The following ACACB variants were observed in gnomAD, a reference collection of about 807,000 sequenced individuals.
The protein encoded by ACACB is acetyl-CoA carboxylase beta.
A neutral mutation model predicts 278.8 loss-of-function variants in ACACB; 209 were observed. That is an observed-to-expected ratio of 0.75 (90% CI 0.67 to 0.84). The LOEUF is 0.84. Among genes scored for constraint, ACACB ranks in the 40% least tolerant of loss-of-function variants. The pLI is 0.00. For synonymous variants in ACACB, 1,174 were observed against 1,285.6 expected (o/e 0.91, Z 1.86); for missense variants, 2,850 against 3,269.0 (o/e 0.87, Z 3.13).
chr12:109,197,046 G>C lies in ACACB; in HGVS notation c.2520G>C (p.Met840Ile), dbSNP rs2045158931. ...RQSLTMFVLIMNGCHIEIDAH... is the reference protein window; with the variant it reads ...RQSLTMFVLIINGCHIEIDAH... Reference sequence around the variant, plus strand: ...CTCTGACCATGTTCGTTCTCATCATGAATGGCTGCCACATCGAGATTGATG... The same window carrying C: ...CTCTGACCATGTTCGTTCTCATCATCAATGGCTGCCACATCGAGATTGATG... The change falls in exon 17 of 53, where the codon ATG becomes ATC. Residue 840 changes from methionine (M) to isoleucine (I), a missense_variant. Coordinates refer to ENST00000338432, the MANE Select transcript of ACACB (RefSeq NM_001093.4). The C allele has an allele frequency of 1.3e-6, 2 of 1,590,480 alleles. No homozygotes were observed. The highest frequency in any genetic ancestry group is 2.3e-5 in the East Asian group (1 of 42,872).
rs367596496 is a variant in ACACB at position 109,266,320 on chromosome 12, C to T, written c.7335C>T (p.Val2445=). Residue 2445 remains valine, a synonymous_variant, in exon 53 of 53, where the codon GTC becomes GTT. Coordinates refer to ENST00000338432, the MANE Select transcript of ACACB (RefSeq NM_001093.4). ...TCAGCCCAGCTGAGCGGGCGCAGGT[C>T]GTTCACCTGCTGTCTACCATGGACA... is the stretch of plus-strand genomic sequence containing the variant. ...QHISPAERAQ[V]VHLLSTMDSP... is the part of the protein sequence containing the mutation. The T allele has an allele frequency of 3.1e-6, 5 of 1,613,048 alleles. No individual in the cohort carries two copies. Among genetic ancestry groups the T allele is most frequent in the Non-Finnish European group, 4.2e-6 (5 of 1,179,968 alleles).
At chr12:109,222,696 C>A in intron 25 of ACACB, 76 bp downstream of exon 25, 1 of 1,524,832 alleles carries the variant, frequency 6.6e-7, no homozygotes, top group Admixed American at 1.7e-5. Context: ...GTGCTCAGCC[C>A]TCACCATGCA....
In ACACB at chr12:109,246,289, T is replaced by C. The variant is rs1429217357; in HGVS notation, c.5412T>C (p.Pro1804=). 1.2e-6 allele frequency: 2 copies of C among 1,612,938 alleles called. No homozygotes were observed. Among genetic ancestry groups the C allele is most frequent in the African/African-American group, 1.3e-5 (1 of 74,590 alleles). The change falls in exon 39 of 53, where the codon CCT becomes CCC. Residue 1804 remains proline (P), a synonymous_variant. Coordinates refer to ENST00000338432, the MANE Select transcript of ACACB (RefSeq NM_001093.4). ...DITFRIGSFG[P]GEDLLYLRAS... ...CCTTTCGCATTGGATCCTTTGGCCC[T>C]GGAGAGGACCTTCTGTACCTGCGGG...
At chr12:109,161,731 TTGTGTGTATGTGTGTGTGTGG>T (rs1565875274) in intron 2 of ACACB, among the ~76,000 whole-genome samples, 1 of 150,134 alleles carries the variant, frequency 6.7e-6, no homozygotes, top group Non-Finnish European at 1.5e-5. Flanking sequence ...TAGTATTCTT[TTGTGTGTATGTGTGTGTGTGG>T]TGTGTGTGTG....
Position 109,252,062 on chromosome 12 carries a change from T to C in ACACB, c.5807T>C (p.Ile1936Thr). The stretch of plus-strand genomic sequence containing the variant: ...TCTCCACAGGTGACCTGCCGAGCCA[T>C]TGGGATTGGGGCCTACTTGGTGAGG... The part of the protein sequence containing the change: ...VTISLVTCRA[I>T]GIGAYLVRLG... Residue 1936 changes from isoleucine (I) to threonine (T), a missense_variant, in exon 42 of 53, where the codon ATT becomes ACT. Physicochemically the swap from Ile to Thr is moderately conservative, Grantham distance 89. Coordinates refer to ENST00000338432, the MANE Select transcript of ACACB (RefSeq NM_001093.4). The C allele has an allele frequency of 1.9e-6, 3 of 1,612,840 alleles. No homozygotes were observed. The highest frequency in any genetic ancestry group is 3.3e-4 in the Middle Eastern group (2 of 6,058).
chr12:109,227,427 G>C lies in ACACB; in HGVS notation c.3939G>C (p.Gln1313His). The C allele has an allele frequency of 6.2e-7, 1 of 1,613,806 alleles. No individual in the cohort carries two copies. The highest frequency in any genetic ancestry group is 1.3e-5 in the African/African-American group (1 of 75,068). Residue 1313 changes from glutamine to histidine, a missense_variant, in exon 28 of 53, where the codon CAG becomes CAC. Coordinates refer to ENST00000338432, the MANE Select transcript of ACACB (RefSeq NM_001093.4). ...AYELNSLQHR[Q>H]LPDGTCVVEF... ...AGTTAAACAGCCTGCAGCACCGGCA[G>C]CTCCCGGACGGCACCTGCGTGGTAG... is the stretch of plus-strand genomic sequence containing the variant.
At chr12:109,251,958 G>A (rs547009467) in intron 41 of ACACB, 88 bp from the exon 42 acceptor site, 9 of 950,128 alleles carry the variant, frequency 9.5e-6, no homozygotes, top group African/African-American at 6.7e-5. Context: ...CTTCCATTTG[G>A]TCCCAGCAGG....
chr12:109,216,935 G>T lies in ACACB; in HGVS notation c.3564+15G>T. 1 of 1,611,828 alleles carries T rather than the reference G, an allele frequency of 6.2e-7. No individual in the cohort carries two copies. The highest frequency in any genetic ancestry group is 8.5e-7 in the Non-Finnish European group (1 of 1,179,466). ...TCATGTTGATCGTAAGCAGGAAGAG[G>T]GCCTGTTACTAGACTGGGGGTGGGT... On this transcript the variant is annotated intron_variant, in intron 24 of 52. Coordinates refer to ENST00000338432, the MANE Select transcript of ACACB (RefSeq NM_001093.4).
chr12:109,206,400 G>C (rs1235140839), intron 19 of ACACB, among the ~76,000 whole-genome samples: 12 of 141,882 alleles, frequency 8.5e-5, no homozygotes, highest in East Asian at 4.1e-4. Flanking sequence ...TGCCACTGCA[G>C]TCCAGCCTGG....
intron 41 of ACACB, 35 bp from the exon 42 acceptor site, chr12:109,252,011 C>G: frequency 6.5e-7 from 1 of 1,537,982 alleles, no homozygotes; most frequent in Non-Finnish European, 8.9e-7. Flanking sequence ...TCCCTCGCCA[C>G]TCTCCAGAAT....
rs746703562 is a variant in ACACB, at chr12:109,222,522, C to T, written c.3580C>T (p.Pro1194Ser). 5 of 1,614,132 alleles carry T rather than the reference C, an allele frequency of 3.1e-6. No homozygotes were observed. The highest frequency in any genetic ancestry group is 3.4e-6 in the Non-Finnish European group (4 of 1,180,016). The change falls in exon 25 of 53, where the codon CCA becomes TCA. Residue 1194 changes from proline (P) to serine (S), a missense_variant. By Grantham distance (74) the Pro-to-Ser change is moderately conservative (BLOSUM62 -1). Transcript: ENST00000338432. ...VIMLIDELCG[P>S]DPSLSDELIS... ...GTCCCCTAAGGATGAGCTGTGTGGC[C>T]CAGACCCTTCCCTGTCGGACGAGCT...
intron 16 of ACACB, among the ~76,000 whole-genome samples, chr12:109,195,567 G>A (rs1159903629): frequency 6.6e-6 from 1 of 152,168 alleles, no homozygotes; most frequent in Non-Finnish European, 1.5e-5. Context: ...AATCCATCAT[G>A]TGCTAATGCC....
intron 21 of ACACB, 124 bp downstream of exon 21, chr12:109,209,477 A>G: frequency 1.0e-6 from 1 of 959,224 alleles, no homozygotes; most frequent in African/African-American, 1.6e-5. Flanking sequence ...AGCCTAACAT[A>G]TCAGGGGCCG....
rs1390312398 is a variant in ACACB, at chr12:109,228,646, G to A, written c.4001+1157G>A. Among the ~76,000 whole-genome samples the A allele has an allele frequency of 4.4e-5, 6 of 136,324 alleles. No homozygotes were observed. In the South Asian group the frequency reaches 7.0e-4, roughly 16 times the overall value. 89.4% of individuals were successfully genotyped at this position (136,324 alleles called of 152,430 possible). A position where few individuals can be genotyped will look rare whatever the true frequency, so the allele number is the denominator to read the frequency against. Reference sequence around the variant, plus strand: ...TGCACTCCAGCCTGGGTGACAGAGCGAAACTCTGTCTCAAAAAAAAAAAAA... The same window carrying A: ...TGCACTCCAGCCTGGGTGACAGAGCAAAACTCTGTCTCAAAAAAAAAAAAA... On this transcript the variant is annotated intron_variant, in intron 28 of 52. Coordinates refer to ENST00000338432, the MANE Select transcript of ACACB (RefSeq NM_001093.4).
intron 27 of ACACB, among the ~76,000 whole-genome samples, chr12:109,224,899 T>C (rs960500658): frequency 6.6e-6 from 1 of 152,192 alleles, no homozygotes; most frequent in Non-Finnish European, 1.5e-5. Flanking sequence ...ATTCTTTATC[T>C]TCTGAGCTCA....
At chr12:109,205,680 T>G (rs913906173) in intron 19 of ACACB, among the ~76,000 whole-genome samples, 41 of 152,004 alleles carry the variant, frequency 2.7e-4, no homozygotes, top group African/African-American at 9.2e-4. Flanking sequence ...TCTCGAACTC[T>G]TGACCTCAGT....
chr12:109,262,953 TATATA>T (rs2047419178), intron 49 of ACACB: 6 of 91,714 alleles, frequency 6.5e-5, no homozygotes, highest in Non-Finnish European at 9.8e-5. Context: ...TTTAACATTA[TATATA>T]TATATATATA....
At position 109,209,307 on chromosome 12, in the gene ACACB, A is replaced by T. The variant is rs773620750; in HGVS notation, c.3203A>T (p.Tyr1068Phe). Residue 1068 changes from tyrosine to phenylalanine, a missense_variant, in exon 21 of 53, where the codon TAT becomes TTT. Transcript: ENST00000338432. ...TCTGTCCGCAGGGTGATGGCCCAGTATGCCAGCAACATCACCTCGGTGCTG... is the reference window on the plus strand; with the variant it reads ...TCTGTCCGCAGGGTGATGGCCCAGTTTGCCAGCAACATCACCTCGGTGCTG... The part of the protein sequence containing the change: ...EKSVRRVMAQ[Y>F]ASNITSVLCQ... The T allele has an allele frequency of 1.2e-6, 2 of 1,612,652 alleles. No individual in the cohort carries two copies. Among genetic ancestry groups the T allele is most frequent in the Admixed American group, 3.3e-5 (2 of 59,994 alleles).
chr12:109,210,167 GTATATA>G lies in ACACB; in HGVS notation c.3249+816_3249+821del, dbSNP rs1229534249. 6.0e-5 allele frequency among the ~76,000 whole-genome samples: 3 copies of G among 50,326 alleles called. 1 individual carries two copies. The highest frequency in any genetic ancestry group is 1.2e-4 in the Non-Finnish European group (3 of 25,594). 33.0% of individuals were successfully genotyped at this position (50,326 alleles called of 152,430 possible). A position where few individuals can be genotyped will look rare whatever the true frequency, so the allele number is the denominator to read the frequency against. On this transcript the variant is annotated intron_variant, in intron 21 of 52. Transcript: ENST00000338432. ...TGTATATATACACACGTGTGTATAT[GTATATA>G]TGTATATATACACACGTGTGTATAT...
Sources: gnomAD v4.1 joint callset for allele counts (sites outside exome capture counted in the v4.1 genomes callset) on GRCh38, gnomAD v4.1.1 for gene constraint, MANE v1.5 for transcripts, NCBI Gene and HGNC (gene_info 2026-07-23, HGNC 2026-07-21) for gene names.